Variants in RPA2 observed in about 807,000 individuals in gnomAD.
The protein encoded by RPA2 is replication protein A2, also known as replication protein A 32 kDa subunit.
In RPA2, 22 loss-of-function variants were observed where a neutral mutation model predicts 33.4. The ratio of observed to expected loss-of-function variants is 0.66; its 90% CI spans 0.47 to 0.94. RPA2 has a LOEUF of 0.94. RPA2 is among the 40% of genes least tolerant of loss of function. RPA2 has a pLI of 0.00. For synonymous variants in RPA2, 109 were observed against 114.9 expected (o/e 0.95, Z 0.33); for missense variants, 279 against 329.9 (o/e 0.85, Z 1.19).
At position 27,907,213 on chromosome 1, in the gene RPA2, C is replaced by A. The variant is rs2090040580; in HGVS notation, c.187G>T (p.Val63Leu). ...QLLSATLVDE[V>L]FRIGNVEISQ... ...ATCTCAACATTCCCAATTCTGAACA[C>A]TTCATCAACCAAAGTGGCAGAAAGC... Residue 63 changes from valine to leucine, a missense_variant, in exon 3 of 9, where the codon GTG (valine) becomes TTG (leucine). Around this residue, in one of 2 missense-constraint regions of RPA2, gnomAD observed 274 missense variants for 310.3 expected, o/e 0.88. Coordinates refer to ENST00000373912, the MANE Select transcript of RPA2 (RefSeq NM_002946.5). 6.2e-7 allele frequency: 1 copy of A among 1,614,054 alleles called. No individual in the cohort carries two copies. The highest frequency in any genetic ancestry group is 1.1e-5 in the South Asian group (1 of 91,072).
At chr1:27,896,982 G>A (rs757650079) in intron 6 of RPA2, 23 bp downstream of exon 6, 11 of 1,541,332 alleles carry the variant, frequency 7.1e-6, no homozygotes, top group Middle Eastern at 2.2e-4. Context: ...AAGAGAAAAA[G>A]CTAGGAAAGC....
Position 27,913,151 on chromosome 1 carries a change from C to T in RPA2, c.117+912G>A, listed in dbSNP as rs113308719. On this transcript the variant is annotated intron_variant, in intron 2 of 8. Coordinates refer to ENST00000373912, the MANE Select transcript of RPA2 (RefSeq NM_002946.5). ...TATTTTTAGTAGAGACGAGGTTTCA[C>T]CATGTTGGCCAGGCTGGTCAGGAAC... is the stretch of plus-strand genomic sequence containing the variant. Among the ~76,000 whole-genome samples the T allele has an allele frequency of 5.5e-3, 833 of 151,744 alleles. 10 individuals are homozygous for T. The highest frequency in any genetic ancestry group is 0.017 in the African/African-American group (699 of 41,462).
chr1:27,896,738 T>C (rs1050811300), intron 6 of RPA2, among the ~76,000 whole-genome samples: 1 of 152,188 alleles, frequency 6.6e-6, no homozygotes, highest in East Asian at 1.9e-4. Context: ...TAAGAGCCTA[T>C]AATTACATGT....
rs550346032 is a variant in RPA2 at position 27,913,310 on chromosome 1, C to T, written c.117+753G>A. On this transcript the variant is annotated intron_variant, in intron 2 of 8. Coordinates refer to ENST00000373912, the MANE Select transcript of RPA2 (RefSeq NM_002946.5). ...ATTTAATTTAAAAGCGACTTTGGGCCGGGCTCCGTGGCTCACGCCTGTAAT... is the reference window on the plus strand; with the variant it reads ...ATTTAATTTAAAAGCGACTTTGGGCTGGGCTCCGTGGCTCACGCCTGTAAT... Among the ~76,000 whole-genome samples, 319 of 150,904 alleles carry T rather than the reference C, an allele frequency of 2.1e-3. 2 individuals are homozygous for T. The highest frequency in any genetic ancestry group is 7.3e-3 in the African/African-American group (302 of 41,234).
chr1:27,910,750 C>G (rs2090086219), intron 2 of RPA2, among the ~76,000 whole-genome samples: 1 of 152,102 alleles, frequency 6.6e-6, no homozygotes, highest in Non-Finnish European at 1.5e-5. Context: ...ATCCTAGCTA[C>G]TTGGGAGGCT....
intron 4 of RPA2, among the ~76,000 whole-genome samples, chr1:27,904,335 G>A (rs970832939): frequency 1.2e-4 from 18 of 152,118 alleles, no homozygotes; most frequent in Admixed American, 7.2e-4. Context: ...AAAATGTGTC[G>A]TAATAGTAGT....
At chr1:27,897,360 T>C (rs903669936) in intron 5 of RPA2, among the ~76,000 whole-genome samples, 1 of 152,138 alleles carries the variant, frequency 6.6e-6, no homozygotes, top group Non-Finnish European at 1.5e-5. Flanking sequence ...TCTAGACTCC[T>C]GACTCCGAAT....
chr1:27,914,666 A>C (rs757274591), upstream of RPA2: 3 of 1,613,302 alleles, frequency 1.9e-6, no homozygotes, highest in South Asian at 3.3e-5. Context: ...CCCATGCTCC[A>C]GAAAACGCGT....
intron 6 of RPA2, 23 bp downstream of exon 6, chr1:27,896,981 AG>A: frequency 6.5e-7 from 1 of 1,538,046 alleles, no homozygotes; most frequent in South Asian, 1.2e-5. Context: ...GAAGAGAAAA[AG>A]CTAGGAAAGC....
At chr1:27,900,510 G>A (rs1380722673) in intron 4 of RPA2, among the ~76,000 whole-genome samples, 1 of 151,266 alleles carries the variant, frequency 6.6e-6, no homozygotes, top group Admixed American at 6.6e-5. Flanking sequence ...AGGCTGGAGT[G>A]CAATGGCACA....
Position 27,906,943 on chromosome 1 carries a change from C to G in RPA2, c.318G>C (p.Gln106His), listed in dbSNP as rs779978159. Reference sequence around the variant, plus strand: ...AGCCACTTACATCTGTGTCAACCCACTGGCGAACGTCCATGGGTGCAGCTG... The same window carrying G: ...AGCCACTTACATCTGTGTCAACCCAGTGGCGAACGTCCATGGGTGCAGCTG... ...DMTAAPMDVR[Q>H]WVDTDDTSSE... is the part of the protein sequence containing the mutation. The change falls in exon 4 of 9, where the codon CAG (glutamine) becomes CAC (histidine). Residue 106 changes from glutamine (Q) to histidine (H), a missense_variant. By Grantham distance (24) the Gln-to-His change is conservative. Coordinates refer to ENST00000373912, the MANE Select transcript of RPA2 (RefSeq NM_002946.5). 6 of 1,612,542 alleles carry G rather than the reference C, an allele frequency of 3.7e-6. No homozygotes were observed. In the African/African-American group the frequency reaches 8.0e-5, roughly 22 times the overall value.
chr1:27,901,404 C>A (rs2089965587), intron 4 of RPA2, among the ~76,000 whole-genome samples: 1 of 151,944 alleles, frequency 6.6e-6, no homozygotes, highest in South Asian at 2.1e-4. Flanking sequence ...CTCCTGTTGC[C>A]CAGGCTGGAG....
intron 6 of RPA2, among the ~76,000 whole-genome samples, chr1:27,895,567 T>TAGCCGGGTGTGGTGGC (rs1420081269): frequency 3.3e-5 from 5 of 150,910 alleles, no homozygotes; most frequent in Non-Finnish European, 5.9e-5. Flanking sequence ...TACAAAAAAT[T>TAGCCGGGTGTGGTGGC]AGCCGGGTGT....
chr1:27,895,908 T>G (rs963044984), intron 6 of RPA2, among the ~76,000 whole-genome samples: 3 of 152,126 alleles, frequency 2.0e-5, no homozygotes, highest in Admixed American at 2.0e-4. Context: ...CTTGCTGGTT[T>G]CAGAGATGTC....
intron 4 of RPA2, 127 bp from the exon 5 acceptor site, chr1:27,897,834 A>C: frequency 1.9e-6 from 1 of 535,854 alleles, no homozygotes; most frequent in Non-Finnish European, 3.0e-6. Flanking sequence ...CTAAAATGGC[A>C]TTAAGTAGTT....
At chr1:27,897,160 A>G (rs1456362400) in intron 5 of RPA2, 39 bp from the exon 6 acceptor site, 1 of 1,386,556 alleles carries the variant, frequency 7.2e-7, no homozygotes, top group East Asian at 2.3e-5. Context: ...TAAAATATGA[A>G]CATACATTAA....
chr1:27,896,967 C>G (rs2089899945), intron 6 of RPA2, 38 bp downstream of exon 6: 15 of 1,482,256 alleles, frequency 1.0e-5, no homozygotes, highest in Non-Finnish European at 1.4e-5. Context: ...TGTGTTCTTC[C>G]AGGGAAGAGA....
rs749244686 is a variant in RPA2, at chr1:27,897,010, T to C, written c.520A>G (p.Ser174Gly). 2 of 1,605,306 alleles carry C rather than the reference T, an allele frequency of 1.2e-6. No individual in the cohort carries two copies. The highest frequency in any genetic ancestry group is 1.7e-6 in the Non-Finnish European group (2 of 1,175,992). The change falls in exon 6 of 9, where the codon AGC becomes GGC. Residue 174 changes from serine (S) to glycine (G), a missense_variant. By Grantham distance (56) the Ser-to-Gly change is moderately conservative (BLOSUM62 0). This residue lies in a region of RPA2 where 274 missense variants were observed against 310.3 expected (regional missense o/e 0.88). Coordinates refer to ENST00000373912, the MANE Select transcript of RPA2 (RefSeq NM_002946.5). ...AGGAAAGCGAGACTACTCACCTGGC[T>C]GTTGGCTTTGCTTAGTACCATGTGT... is the stretch of plus-strand genomic sequence containing the variant. ...NAHMVLSKANSQPSAGRAPIS... is the reference protein window; with the variant it reads ...NAHMVLSKANGQPSAGRAPIS...
At chr1:27,896,402 A>G (rs899517380) in intron 6 of RPA2, among the ~76,000 whole-genome samples, 2 of 152,034 alleles carry the variant, frequency 1.3e-5, no homozygotes, top group Non-Finnish European at 2.9e-5. Context: ...ACTGGGCTCA[A>G]GTGATGCCCC....
Sources: allele counts gnomAD v4.1 joint callset (sites outside exome capture counted in the v4.1 genomes callset), GRCh38; gene constraint gnomAD v4.1.1; regional missense constraint gnomAD v4.1.1; transcripts MANE v1.5; gene names NCBI Gene and HGNC (gene_info 2026-07-23, HGNC 2026-07-21).